The following TXLNB variants were observed in gnomAD, a reference collection of about 807,000 sequenced individuals.
TXLNB encodes the protein taxilin beta, also known as beta-taxilin.
A neutral mutation model predicts 57.4 loss-of-function variants in TXLNB; 37 were observed. The observed-to-expected ratio is 0.64, with a 90% CI of 0.50 to 0.85. The LOEUF (loss-of-function observed/expected upper bound fraction) is 0.85, where lower values mean the gene tolerates loss of function less well. TXLNB is among the 40% of genes least tolerant of loss of function. The pLI is 0.00. For missense variants in TXLNB, 848 were observed against 825.6 expected (o/e 1.03, Z -0.33); for synonymous variants, 302 against 309.6 (o/e 0.98, Z 0.26).
At chr6:139,210,224 G>T in the TXLNB span, among the ~76,000 whole-genome samples, 7 of 151,930 alleles carry the variant, frequency 4.6e-5, no homozygotes, top group East Asian at 1.9e-4. Flanking sequence ...ATGTTGGAGG[G>T]GGGTGTGGTG....
At chr6:139,262,527 C>G (rs1776508785) in intron 5 of TXLNB, 52 bp downstream of exon 5, 4 of 1,450,226 alleles carry the variant, frequency 2.8e-6, no homozygotes, top group Non-Finnish European at 2.8e-6. Context: ...CCACCTTTAG[C>G]TCCCAGATCC....
the TXLNB span, among the ~76,000 whole-genome samples, chr6:139,211,399 A>G: frequency 6.6e-6 from 1 of 152,250 alleles, no homozygotes; most frequent in Non-Finnish European, 1.5e-5. Context: ...GTAAACTCCA[A>G]CAGACCTGCA....
chr6:139,254,315 T>TTGTGTGTGTGTG (rs60108019), intron 7 of TXLNB, among the ~76,000 whole-genome samples: 3,636 of 150,086 alleles, frequency 0.024, 120 homozygotes, highest in African/African-American at 0.077. Context: ...TGAACACGAT[T>TTGTGTGTGTGTG]TGTGTGTGTG....
the TXLNB span, chr6:139,176,962 T>C: frequency 1.1e-6 from 1 of 872,572 alleles, no homozygotes; most frequent in Admixed American, 1.7e-5. The surrounding 1 kb of genome is among the most constrained non-coding windows in gnomAD (Gnocchi z 4.5). Flanking sequence ...CTGTAAGCAC[T>C]GTGGGAAGCC....
the TXLNB span, chr6:139,166,691 C>G: frequency 6.2e-7 from 1 of 1,613,158 alleles, no homozygotes; most frequent in Non-Finnish European, 8.5e-7. Flanking sequence ...AAAGTGCAGG[C>G]CCCCAAATAA....
chr6:139,315,384 G>A, the TXLNB span, among the ~76,000 whole-genome samples: 4 of 152,098 alleles, frequency 2.6e-5, no homozygotes, highest in East Asian at 5.8e-4. Flanking sequence ...TTGATAAATC[G>A]GCTCTGTCTA....
chr6:139,312,709 A>G, the TXLNB span, among the ~76,000 whole-genome samples: 2 of 152,274 alleles, frequency 1.3e-5, no homozygotes, highest in African/African-American at 2.4e-5. Context: ...AGCTGATTAT[A>G]TAGCATACGC....
chr6:139,217,925 T>C, the TXLNB span, among the ~76,000 whole-genome samples: 32 of 144,224 alleles, frequency 2.2e-4, no homozygotes, highest in Non-Finnish European at 3.1e-5. Context: ...AATATTGCAA[T>C]CAGTCTTAAA....
chr6:139,210,271 A>G, the TXLNB span, among the ~76,000 whole-genome samples: 1 of 152,192 alleles, frequency 6.6e-6, no homozygotes, highest in Non-Finnish European at 1.5e-5. Context: ...GGGAATGTAA[A>G]CTAGTTCAAC....
chr6:139,200,796 T>C, the TXLNB span, among the ~76,000 whole-genome samples: 1 of 152,212 alleles, frequency 6.6e-6, no homozygotes, highest in Non-Finnish European at 1.5e-5. Flanking sequence ...AATTCCCATC[T>C]TGTCAATATT....
At chr6:139,281,412 G>GC (rs1208248241) in intron 2 of TXLNB, among the ~76,000 whole-genome samples, 6 of 151,836 alleles carry the variant, frequency 4.0e-5, no homozygotes, top group African/African-American at 1.2e-4. Flanking sequence ...ATACCACCTA[G>GC]CCTGTGTTTT....
intron 2 of TXLNB, among the ~76,000 whole-genome samples, chr6:139,280,497 T>C (rs895961827): frequency 6.6e-6 from 1 of 151,734 alleles, no homozygotes; most frequent in African/African-American, 2.4e-5. Context: ...ATACAAAAAT[T>C]AGCTGGGCGT....
At chr6:139,160,305 G>T in the TXLNB span, among the ~76,000 whole-genome samples, 1 of 152,196 alleles carries the variant, frequency 6.6e-6, no homozygotes, top group Non-Finnish European at 1.5e-5. Context: ...TTGCTTGTTA[G>T]ATTATCACAG....
the TXLNB span, among the ~76,000 whole-genome samples, chr6:139,230,424 G>T: frequency 6.6e-6 from 1 of 152,194 alleles, no homozygotes; most frequent in African/African-American, 2.4e-5. Flanking sequence ...CTATTCAGGG[G>T]CTTGATTTCA....
chr6:139,250,710 G>T (rs779024366), intron 7 of TXLNB, among the ~76,000 whole-genome samples: 4 of 152,060 alleles, frequency 2.6e-5, no homozygotes. Flanking sequence ...TGGTCCTCCC[G>T]ATCCCTCTTG....
rs1777238867 is a variant in TXLNB, at chr6:139,288,757, T to C, written c.143A>G (p.Glu48Gly). The change falls in exon 2 of 10, where the codon GAG becomes GGG. Residue 48 changes from glutamate to glycine, a missense_variant. Transcript: ENST00000358430. Reference sequence around the variant, plus strand: ...AGAGATATCGGGGTGCACACTTGCCTCTTTCTCTGGTGGTTGGACTGGGGT... The same window carrying C: ...AGAGATATCGGGGTGCACACTTGCCCCTTTCTCTGGTGGTTGGACTGGGGT... ...SPTPVQPPEKEASVHPDISEE... is the reference protein window; with the variant it reads ...SPTPVQPPEKGASVHPDISEE... 1 of 1,614,206 alleles carries C rather than the reference T, an allele frequency of 6.2e-7. No homozygotes were observed. Among genetic ancestry groups the C allele is most frequent in the Non-Finnish European group, 8.5e-7 (1 of 1,180,038 alleles).
rs1179839159 is a variant in TXLNB at position 139,241,851 on chromosome 6, G to A, written c.*675C>T. 6.6e-6 allele frequency: 1 copy of A among 152,146 alleles called. No individual in the cohort carries two copies. The highest frequency in any genetic ancestry group is 1.5e-5 in the Non-Finnish European group (1 of 68,034). The allele number at this position is 152,146 out of a possible 1,614,324, so 9.4% of individuals were successfully genotyped here. A position where few individuals can be genotyped will look rare whatever the true frequency, so the allele number is the denominator to read the frequency against. On this transcript the variant is annotated 3_prime_UTR_variant, in exon 10 of 10. Transcript: ENST00000358430. The stretch of plus-strand genomic sequence containing the variant: ...AGTCCGAACTCTCTTCGGATTTATA[G>A]AGCATTAGTCAACCATAGTCTCAAG...
At chr6:139,185,340 A>G in the TXLNB span, among the ~76,000 whole-genome samples, 2 of 152,196 alleles carry the variant, frequency 1.3e-5, no homozygotes, top group African/African-American at 2.4e-5. Flanking sequence ...TTGATGAATA[A>G]TATATGAAAA....
At chr6:139,198,450 C>T in the TXLNB span, among the ~76,000 whole-genome samples, 1 of 152,102 alleles carries the variant, frequency 6.6e-6, no homozygotes, top group African/African-American at 2.4e-5. Flanking sequence ...CTCCTGAGGA[C>T]CCTGGAGCCA....
Sources: gnomAD v4.1 joint callset for allele counts (sites outside exome capture counted in the v4.1 genomes callset) on GRCh38, gnomAD v4.1.1 for gene constraint, Gnocchi (gnomAD v3.1) non-coding constraint, MANE v1.5 for transcripts, NCBI Gene and HGNC (gene_info 2026-07-23, HGNC 2026-07-21) for gene names.